Variants in EYA2 observed in about 807,000 individuals in gnomAD.
The protein encoded by EYA2 is protein phosphatase EYA2.
In EYA2, 31 loss-of-function variants were observed where a neutral mutation model predicts 69.2. That is an observed-to-expected ratio of 0.45 (90% CI 0.34 to 0.60). The LOEUF (loss-of-function observed/expected upper bound fraction) is 0.60, where lower values mean the gene tolerates loss of function less well. EYA2 is among the 20% of genes least tolerant of loss of function. The pLI, the probability that EYA2 is intolerant of heterozygous loss-of-function variation, is 0.02. For synonymous variants in EYA2, 257 were observed against 279.4 expected (o/e 0.92, Z 0.80); for missense variants, 622 against 701.2 (o/e 0.89, Z 1.28).
At chr20:47,091,389 T>C (rs942660707) in intron 8 of EYA2, among the ~76,000 whole-genome samples, 41 of 152,158 alleles carry the variant, frequency 2.7e-4, no homozygotes, top group Admixed American at 2.0e-3. Context: ...TGGAAATCTT[T>C]GTTGAGCCTG....
At chr20:47,182,705 G>T (rs559898968) in intron 14 of EYA2, among the ~76,000 whole-genome samples, 5 of 151,062 alleles carry the variant, frequency 3.3e-5, no homozygotes, top group Admixed American at 3.3e-4. Context: ...AGACACTGAG[G>T]TGAGCAGATC....
chr20:47,087,454 C>G (rs2031932020), intron 7 of EYA2, among the ~76,000 whole-genome samples: 1 of 152,226 alleles, frequency 6.6e-6, no homozygotes, highest in Non-Finnish European at 1.5e-5. Flanking sequence ...AGGACAGGTC[C>G]AAATTTTAGT....
intron 5 of EYA2, among the ~76,000 whole-genome samples, chr20:47,030,535 A>G (rs1465492526): frequency 2.5e-5 from 2 of 78,774 alleles, no homozygotes; most frequent in African/African-American, 5.8e-5. Context: ...TTTATATCCC[A>G]GGGAGGATAC....
chr20:47,042,962 C>T lies in EYA2; in HGVS notation c.415+26665C>T, dbSNP rs537024219. On this transcript the variant is annotated intron_variant, in intron 5 of 15. Transcript: ENST00000327619. ...GATCATTTTTACCTGGGTACATTGC[C>T]GCTCCAGTTGGATTTTCTTAACAAG... Among the ~76,000 whole-genome samples, 9 of 152,194 alleles carry T rather than the reference C, an allele frequency of 5.9e-5. No homozygotes were observed. The South Asian group carries it at 1.0e-3, about 18-fold the overall frequency.
chr20:46,901,982 A>G (rs1362008171), intron 1 of EYA2, among the ~76,000 whole-genome samples: 1 of 152,216 alleles, frequency 6.6e-6, no homozygotes, highest in Non-Finnish European at 1.5e-5. Context: ...TGTGGAGAGA[A>G]GACCGGTAGG....
chr20:47,061,903 G>A (rs778830653), intron 5 of EYA2, among the ~76,000 whole-genome samples: 3 of 152,188 alleles, frequency 2.0e-5, no homozygotes, highest in Non-Finnish European at 2.9e-5. Context: ...AAACACAGGC[G>A]TACACCTCAG....
At chr20:47,008,442 C>G (rs920327155) in intron 4 of EYA2, among the ~76,000 whole-genome samples, 1 of 152,192 alleles carries the variant, frequency 6.6e-6, no homozygotes, top group Non-Finnish European at 1.5e-5. Flanking sequence ...CAGACCTTGG[C>G]CAACAGGTGT....
intron 1 of EYA2, among the ~76,000 whole-genome samples, chr20:46,953,798 T>G (rs1978950209): frequency 6.6e-6 from 1 of 152,200 alleles, no homozygotes; most frequent in South Asian, 2.1e-4. Context: ...TTCTTTTCTG[T>G]GGTTTCCAAC....
intron 1 of EYA2, among the ~76,000 whole-genome samples, chr20:46,954,054 A>C (rs533502455): frequency 3.0e-4 from 45 of 152,168 alleles, no homozygotes; most frequent in Non-Finnish European, 6.0e-4. Context: ...AGACACATCC[A>C]GCTCATTTCC....
rs78600832 is a variant in EYA2 at position 47,110,127 on chromosome 20, T to G, written c.888+12959T>G. ...CCATGAATCTATAAGGCCCAGCTGCTCCCTTTATACTCATTTCCAGAGAAA... is the reference window on the plus strand; with the variant it reads ...CCATGAATCTATAAGGCCCAGCTGCGCCCTTTATACTCATTTCCAGAGAAA... On this transcript the variant is annotated intron_variant, in intron 9 of 15. Transcript: ENST00000327619. 6.4e-3 allele frequency among the ~76,000 whole-genome samples: 971 copies of G among 152,274 alleles called. 19 individuals are homozygous for G. The highest frequency in any genetic ancestry group is 0.022 in the African/African-American group (928 of 41,536).
chr20:47,088,109 C>T (rs1470388009), intron 7 of EYA2, among the ~76,000 whole-genome samples: 4 of 152,156 alleles, frequency 2.6e-5, no homozygotes, highest in African/African-American at 9.7e-5. Context: ...GTGGTGGGTG[C>T]CTATAATCCC....
chr20:47,160,497 G>A lies in EYA2; in HGVS notation c.979-8642G>A, dbSNP rs530327336. Among the ~76,000 whole-genome samples, 148 of 152,244 alleles carry A rather than the reference G, an allele frequency of 9.7e-4. 1 individual carries two copies. The highest frequency in any genetic ancestry group is 2.0e-3 in the African/African-American group (82 of 41,556). ...GGTTTGGACCACGGTGGGGCGGGGG[G>A]CGGTGCGGGCAGTGGAGGAGGTGAG... On this transcript the variant is annotated intron_variant, in intron 10 of 15. Coordinates refer to ENST00000327619, the MANE Select transcript of EYA2 (RefSeq NM_005244.5).
intron 2 of EYA2, among the ~76,000 whole-genome samples, chr20:46,992,416 C>T (rs1412256712): frequency 6.6e-6 from 1 of 152,240 alleles, no homozygotes. Context: ...TACTATTTCT[C>T]ATTTAATTAT....
intron 4 of EYA2, among the ~76,000 whole-genome samples, chr20:47,006,658 T>C (rs1982734212): frequency 6.6e-6 from 1 of 152,120 alleles, no homozygotes; most frequent in East Asian, 1.9e-4. Flanking sequence ...CAACATTGAG[T>C]CATGTGTGGG....
chr20:47,023,847 AG>A (rs1038615423), intron 5 of EYA2, among the ~76,000 whole-genome samples: 2 of 152,122 alleles, frequency 1.3e-5, no homozygotes, highest in Admixed American at 1.3e-4. Flanking sequence ...CATGTTGGCC[AG>A]GCTGGTCTCA....
intron 1 of EYA2, among the ~76,000 whole-genome samples, chr20:46,939,903 T>C (rs1049774541): frequency 1.3e-5 from 2 of 152,198 alleles, no homozygotes; most frequent in Non-Finnish European, 2.9e-5. Context: ...GAAACAGATA[T>C]ATTATTAAGA....
intron 2 of EYA2, among the ~76,000 whole-genome samples, chr20:46,997,332 C>T (rs1212671405): frequency 6.6e-6 from 1 of 152,236 alleles, no homozygotes; most frequent in African/African-American, 2.4e-5. Flanking sequence ...GGCCCCTCCT[C>T]CAACACTGGG....
chr20:47,185,836 G>C (rs530683255), intron 15 of EYA2, among the ~76,000 whole-genome samples: 1 of 152,338 alleles, frequency 6.6e-6, no homozygotes, highest in South Asian at 2.1e-4. Context: ...GACTTTGCTT[G>C]AGAAACTTAC....
intron 2 of EYA2, among the ~76,000 whole-genome samples, chr20:46,990,568 G>C (rs1332456130): frequency 6.6e-6 from 1 of 152,182 alleles, no homozygotes; most frequent in Non-Finnish European, 1.5e-5. Flanking sequence ...CTTTCAGGTC[G>C]GGTTGGAGTC....
Sources: gnomAD v4.1 joint callset for allele counts (sites outside exome capture counted in the v4.1 genomes callset) on GRCh38, gnomAD v4.1.1 for gene constraint, MANE v1.5 for transcripts, NCBI Gene and HGNC (gene_info 2026-07-23, HGNC 2026-07-21) for gene names.